Variants in NDUFS1 observed in about 807,000 individuals in gnomAD.
The protein encoded by NDUFS1 is NADH-ubiquinone oxidoreductase 75 kDa subunit, mitochondrial.
A neutral mutation model predicts 84.4 loss-of-function variants in NDUFS1; 61 were observed. That is an observed-to-expected ratio of 0.72 (90% CI 0.59 to 0.89). The LOEUF (loss-of-function observed/expected upper bound fraction) is 0.89. Ranked by LOEUF, NDUFS1 falls within the 40% of genes least tolerant of loss-of-function variation. The pLI is 0.00. For missense variants in NDUFS1, 891 were observed against 890.0 expected, an observed-to-expected ratio of 1.00 and a Z score of -0.01; for synonymous variants, 275 against 290.0, an observed-to-expected ratio of 0.95 and a Z score of 0.53.
At chr2:206,150,051 A>C in intron 3 of NDUFS1, 126 bp from the exon 4 acceptor site, 1 of 719,834 alleles carries the variant, frequency 1.4e-6, no homozygotes, top group South Asian at 1.6e-5. Flanking sequence ...CTATCTATCT[A>C]TCTTAATTCA....
Position 206,142,793 on chromosome 2 carries a change from T to A in NDUFS1, c.1026A>T (p.Ala342=). The part of the protein sequence containing the change: ...SFQGKDVAAI[A]GGLVDAEALV... ...GGGCTTCAGCATCCACCAAGCCACC[T>A]GCAATTGCTGCCACATCTTTGCCTT... The change falls in exon 11 of 19, where the codon GCA becomes GCT. Residue 342 remains alanine (A), a synonymous_variant. Transcript: ENST00000233190. 1 of 1,614,204 alleles carries A rather than the reference T, an allele frequency of 6.2e-7. No homozygotes were observed. Among genetic ancestry groups the A allele is most frequent in the Non-Finnish European group, 8.5e-7 (1 of 1,180,042 alleles).
At chr2:206,154,453 GGACAGTCCCCCACAATAAA>G in intron 1 of NDUFS1, among the ~76,000 whole-genome samples, 1 of 152,266 alleles carries the variant, frequency 6.6e-6, no homozygotes, top group African/African-American at 2.4e-5. Flanking sequence ...ACAATGTACA[GGACAGTCCCCCACAATAAA>G]GATAATTATC....
chr2:206,127,709 C>T, intron 16 of NDUFS1, 88 bp downstream of exon 16: 1 of 1,391,760 alleles, frequency 7.2e-7, no homozygotes, highest in Non-Finnish European at 1.0e-6. Flanking sequence ...AGACTGGCAT[C>T]TTCCTTGACT....
chr2:206,145,963 G>T (rs947524934), intron 8 of NDUFS1, among the ~76,000 whole-genome samples: 3 of 152,150 alleles, frequency 2.0e-5, no homozygotes, highest in African/African-American at 7.2e-5. Context: ...ACATGTGCAG[G>T]TGAAACCAGA....
chr2:206,130,275 G>A (rs905420689), intron 14 of NDUFS1, 33 bp from the exon 15 acceptor site: 2 of 1,611,324 alleles, frequency 1.2e-6, no homozygotes. Flanking sequence ...TACCATAACT[G>A]CAGTATTTTC....
rs775073003 is a variant in NDUFS1, at chr2:206,126,765, C to T, written c.1964G>A (p.Arg655Gln). The T allele has an allele frequency of 6.2e-6, 10 of 1,614,108 alleles. No individual in the cohort carries two copies. Among genetic ancestry groups the T allele is most frequent in the Non-Finnish European group, 7.6e-6 (9 of 1,179,998 alleles). The change falls in exon 17 of 19, where the codon CGA becomes CAA. Residue 655 changes from arginine (R) to glutamine (Q), a missense_variant. Arg to Gln is a conservative substitution (Grantham distance 43, BLOSUM62 1). Coordinates refer to ENST00000233190, the MANE Select transcript of NDUFS1 (RefSeq NM_005006.7). ...RLEEVSPNLV[R>Q]YDDIEGANYF... ...ATTAGCCCCTTCAATATCATCATATCGAACAAGATTAGGAGAGACTTCTTC... is the reference window on the plus strand; with the variant it reads ...ATTAGCCCCTTCAATATCATCATATTGAACAAGATTAGGAGAGACTTCTTC...
Position 206,123,727 on chromosome 2 carries a change from TA to T in NDUFS1, c.*457del, listed in dbSNP as rs2105939431. ...CATTAGCCATTGTTACTATGATTAT[TA>T]TTAATTATAATTATCCTAGATACAT... is the stretch of plus-strand genomic sequence containing the variant. On this transcript the variant is annotated 3_prime_UTR_variant, in exon 19 of 19. Coordinates refer to ENST00000233190, the MANE Select transcript of NDUFS1 (RefSeq NM_005006.7). The T allele has an allele frequency of 6.4e-6, 1 of 155,562 alleles. No homozygotes were observed. Among genetic ancestry groups the T allele is most frequent in the Admixed American group, 6.4e-5 (1 of 15,666 alleles). The allele number at this position is 155,562 out of a possible 1,614,324, so 9.6% of individuals were successfully genotyped here. A position where few individuals can be genotyped will look rare whatever the true frequency, so the allele number is the denominator to read the frequency against.
chr2:206,119,583 T>A lies in NDUFS1; in HGVS notation c.*4602A>T, dbSNP rs539390758. On this transcript the variant is annotated 3_prime_UTR_variant, in exon 19 of 19. Coordinates refer to ENST00000233190, the MANE Select transcript of NDUFS1 (RefSeq NM_005006.7). ...CATATGCCACCATGGCTGGCTAATT[T>A]TGTATTTTTAGTAGAGACAGAGTTT... 2.6e-5 allele frequency: 4 copies of A among 151,914 alleles called. No homozygotes were observed. The highest frequency in any genetic ancestry group is 5.9e-5 in the Non-Finnish European group (4 of 68,026). The allele number at this position is 151,914 out of a possible 1,614,324, so 9.4% of individuals were successfully genotyped here. A position where few individuals can be genotyped will look rare whatever the true frequency, so the allele number is the denominator to read the frequency against.
intron 3 of NDUFS1, among the ~76,000 whole-genome samples, chr2:206,152,152 C>A (rs535612618): frequency 6.6e-6 from 1 of 152,064 alleles, no homozygotes; most frequent in Non-Finnish European, 1.5e-5. Flanking sequence ...TGAGCCACTG[C>A]GCTCGGACTT....
At position 206,147,732 on chromosome 2, in the gene NDUFS1, T is replaced by C. The variant is rs759044194; in HGVS notation, c.420+21A>G. ...TAAAATCTGAGACAACCAAAAAGAT[T>C]GACAGAATTCTACTACATACCTGCA... On this transcript the variant is annotated intron_variant, in intron 6 of 18. Transcript: ENST00000233190. The C allele has an allele frequency of 3.7e-6, 6 of 1,613,694 alleles. No homozygotes were observed. In the Admixed American group the frequency reaches 1.0e-4, roughly 27 times the overall value.
chr2:206,141,730 G>A (rs891539629), intron 12 of NDUFS1, among the ~76,000 whole-genome samples: 4 of 148,990 alleles, frequency 2.7e-5, no homozygotes, highest in African/African-American at 4.9e-5. Context: ...ATCTCGAGGC[G>A]GAGCTTGCAG....
chr2:206,148,882 C>T, intron 5 of NDUFS1, 138 bp downstream of exon 5: 1 of 683,054 alleles, frequency 1.5e-6, no homozygotes, highest in Non-Finnish European at 2.6e-6. Context: ...GTACTCACTT[C>T]TATTGCTCCT....
At chr2:206,147,963 G>T in intron 5 of NDUFS1, 129 bp from the exon 6 acceptor site, 1 of 843,684 alleles carries the variant, frequency 1.2e-6, no homozygotes, top group Non-Finnish European at 2.0e-6. Flanking sequence ...TGTTGCTCAG[G>T]CTGCAGTGCA....
At chr2:206,134,585 C>CAA (rs142517296) in intron 13 of NDUFS1, among the ~76,000 whole-genome samples, 2 of 138,860 alleles carry the variant, frequency 1.4e-5, no homozygotes, top group African/African-American at 2.7e-5. Flanking sequence ...ATCTCAAAAA[C>CAA]AAAAAAAAAA....
At chr2:206,157,399 A>G (rs1474817566) in intron 1 of NDUFS1, among the ~76,000 whole-genome samples, 1 of 152,192 alleles carries the variant, frequency 6.6e-6, no homozygotes, top group East Asian at 1.9e-4. Context: ...AGGACAAGGA[A>G]TTTGGACATT....
In NDUFS1 at chr2:206,120,907, G is replaced by C. The variant is rs1691077396; in HGVS notation, c.*3278C>G. ...TCCCAAGTAGCTGGGGCTATAGCTTGTGCCATCATGCTCAGCTATTCACCT... is the reference window on the plus strand; with the variant it reads ...TCCCAAGTAGCTGGGGCTATAGCTTCTGCCATCATGCTCAGCTATTCACCT... On this transcript the variant is annotated 3_prime_UTR_variant, in exon 19 of 19. Coordinates refer to ENST00000233190, the MANE Select transcript of NDUFS1 (RefSeq NM_005006.7). The C allele has an allele frequency of 6.6e-6, 1 of 152,202 alleles. No homozygotes were observed. Among genetic ancestry groups the C allele is most frequent in the Non-Finnish European group, 1.5e-5 (1 of 68,046 alleles). 9.4% of individuals were successfully genotyped at this position (152,202 alleles called of 1,614,324 possible). A position where few individuals can be genotyped will look rare whatever the true frequency, so the allele number is the denominator to read the frequency against.
At position 206,122,008 on chromosome 2, in the gene NDUFS1, T is replaced by G. The variant is rs929370616; in HGVS notation, c.*2177A>C. ...AGTTTGTATTAAGTTCAAACACTTT[T>G]GGCAAGAATTTATACAATTTCAGGT... On this transcript the variant is annotated 3_prime_UTR_variant, in exon 19 of 19. Transcript: ENST00000233190. 1 of 152,332 alleles carries G rather than the reference T, an allele frequency of 6.6e-6. No homozygotes were observed. The highest frequency in any genetic ancestry group is 3.4e-3 in the Middle Eastern group (1 of 294). 9.4% of individuals were successfully genotyped at this position (152,332 alleles called of 1,614,324 possible). A position where few individuals can be genotyped will look rare whatever the true frequency, so the allele number is the denominator to read the frequency against.
intron 1 of NDUFS1, among the ~76,000 whole-genome samples, chr2:206,158,089 A>T (rs564125402): frequency 9.7e-6 from 1 of 103,574 alleles, no homozygotes; most frequent in African/African-American, 5.6e-5. Context: ...TCAGCCTCCC[A>T]AGTAGCTGGA....
In NDUFS1 at chr2:206,115,453, C is replaced by T. The variant is rs989717114; in HGVS notation, c.*8732G>A. 3 of 174,372 alleles carry T rather than the reference C, an allele frequency of 1.7e-5. No homozygotes were observed. Among genetic ancestry groups the T allele is most frequent in the African/African-American group, 7.2e-5 (3 of 41,594 alleles). 10.8% of individuals were successfully genotyped at this position (174,372 alleles called of 1,614,324 possible). A position where few individuals can be genotyped will look rare whatever the true frequency, so the allele number is the denominator to read the frequency against. On this transcript the variant is annotated 3_prime_UTR_variant, in exon 19 of 19. Transcript: ENST00000233190. ...AGCATGTTAGCTCTCCCTTGCCCTT[C>T]CATCTTCTGCCATGGGAGGACAGCA...
Sources: gnomAD v4.1 joint callset for allele counts (sites outside exome capture counted in the v4.1 genomes callset) on GRCh38, gnomAD v4.1.1 for gene constraint, MANE v1.5 for transcripts, NCBI Gene and HGNC (gene_info 2026-07-23, HGNC 2026-07-21) for gene names.